Variants in GCNT1 observed in about 807,000 individuals in gnomAD.
The protein encoded by GCNT1 is glucosaminyl (N-acetyl) transferase 1.
In GCNT1, 16 loss-of-function variants were observed where a neutral mutation model predicts 26.2. That is an observed-to-expected ratio of 0.61 (90% CI 0.41 to 0.93). The LOEUF is 0.93. Ranked by LOEUF, GCNT1 falls within the 40% of genes least tolerant of loss-of-function variation. GCNT1 has a pLI of 0.00. For missense variants in GCNT1, 477 were observed against 526.7 expected, an observed-to-expected ratio of 0.91 and a Z score of 0.92; for synonymous variants, 183 against 190.8, an observed-to-expected ratio of 0.96 and a Z score of 0.34.
intron 2 of GCNT1, among the ~76,000 whole-genome samples, chr9:76,463,134 A>G (rs1015389627): frequency 1.3e-5 from 2 of 152,194 alleles, no homozygotes; most frequent in Non-Finnish European, 2.9e-5. Context: ...TAGGACTTAC[A>G]TGTGCTCAGG....
intron 2 of GCNT1, among the ~76,000 whole-genome samples, chr9:76,491,205 G>A (rs2131629956): frequency 6.7e-6 from 1 of 149,910 alleles, no homozygotes; most frequent in Middle Eastern, 3.4e-3. Context: ...CTCCCTCTTT[G>A]TCTCTGTCTC....
chr9:76,422,924 T>G (rs922547370), intron 1 of GCNT1, among the ~76,000 whole-genome samples: 1 of 152,240 alleles, frequency 6.6e-6, no homozygotes, highest in Non-Finnish European at 1.5e-5. Flanking sequence ...TATTATAAAA[T>G]AACCTTTGTG....
At chr9:76,469,487 GCT>G (rs1824080810) in intron 2 of GCNT1, among the ~76,000 whole-genome samples, 1 of 152,164 alleles carries the variant, frequency 6.6e-6, no homozygotes. Flanking sequence ...GCCAGCAACG[GCT>G]ACCCTCTTTG....
At chr9:76,498,923 G>C (rs2501944) in intron 2 of GCNT1, among the ~76,000 whole-genome samples, 2 of 151,960 alleles carry the variant, frequency 1.3e-5, no homozygotes, top group African/African-American at 2.4e-5. Context: ...AAATTTGTCT[G>C]TATATATATA....
chr9:76,452,574 TACATC>T (rs1823688886), intron 1 of GCNT1, among the ~76,000 whole-genome samples: 3 of 152,016 alleles, frequency 2.0e-5, no homozygotes, highest in Non-Finnish European at 2.9e-5. Flanking sequence ...GGGAAGCAGG[TACATC>T]TTACACGGCT....
At chr9:76,460,294 C>G (rs1214491040) in intron 2 of GCNT1, 117 bp downstream of exon 2, 1 of 152,212 alleles carries the variant, frequency 6.6e-6, no homozygotes, top group Non-Finnish European at 1.5e-5. Flanking sequence ...CATAATGGGG[C>G]AAGAGGCCAA....
At chr9:76,421,775 C>G (rs111943601) in intron 1 of GCNT1, among the ~76,000 whole-genome samples, 1 of 143,310 alleles carries the variant, frequency 7.0e-6, no homozygotes, top group African/African-American at 2.6e-5. Context: ...CTGTCTGCAG[C>G]CTCCACCTCC....
At chr9:76,482,964 T>C (rs1028774442) in intron 2 of GCNT1, among the ~76,000 whole-genome samples, 1 of 151,990 alleles carries the variant, frequency 6.6e-6, no homozygotes, top group Admixed American at 6.6e-5. Context: ...ATTAACAGTA[T>C]ATTATCTTTA....
At chr9:76,483,830 C>T (rs1187572229) in intron 2 of GCNT1, among the ~76,000 whole-genome samples, 2 of 151,894 alleles carry the variant, frequency 1.3e-5, no homozygotes, top group East Asian at 1.9e-4. Flanking sequence ...AACTTTTTGT[C>T]GTGTGTGTGT....
At chr9:76,478,984 T>A (rs785934) in intron 2 of GCNT1, among the ~76,000 whole-genome samples, 95,817 of 152,004 alleles carry the variant, frequency 0.63, 31,131 homozygotes, top group Non-Finnish European at 0.7. Flanking sequence ...ATTAGGTATA[T>A]CTCCTAATGC....
upstream of GCNT1, among the ~76,000 whole-genome samples, chr9:76,415,727 T>C (rs1196105862): frequency 1.3e-5 from 2 of 152,208 alleles, no homozygotes; most frequent in African/African-American, 4.8e-5. Flanking sequence ...CTTCCACATG[T>C]AGAATTCACA....
chr9:76,443,592 CTTCCAGCA>C (rs1823516967), intron 1 of GCNT1, among the ~76,000 whole-genome samples: 1 of 152,232 alleles, frequency 6.6e-6, no homozygotes, highest in Non-Finnish European at 1.5e-5. Context: ...AACCCACAAC[CTTCCAGCA>C]TGGCTATTAT....
chr9:76,438,365 A>G (rs1020652301), upstream of GCNT1, among the ~76,000 whole-genome samples: 1 of 152,184 alleles, frequency 6.6e-6, no homozygotes, highest in African/African-American at 2.4e-5. Context: ...AGGAGACACG[A>G]ATGTCTGGGT....
intron 2 of GCNT1, among the ~76,000 whole-genome samples, chr9:76,498,786 A>AAG (rs1554739084): frequency 7.2e-4 from 104 of 144,664 alleles, no homozygotes; most frequent in Middle Eastern, 7.1e-3. Flanking sequence ...AAAAAAAAAA[A>AAG]AAAAGAAAAA....
At chr9:76,488,803 G>A (rs1251461760) in intron 2 of GCNT1, among the ~76,000 whole-genome samples, 4 of 152,158 alleles carry the variant, frequency 2.6e-5, no homozygotes, top group African/African-American at 4.8e-5. Flanking sequence ...GCACCTGGCC[G>A]AGTTTTTCAT....
chr9:76,432,257 A>C (rs748713517), intron 1 of GCNT1, among the ~76,000 whole-genome samples: 8 of 152,250 alleles, frequency 5.3e-5, no homozygotes, highest in Non-Finnish European at 8.8e-5. Flanking sequence ...GTCCAAAAAA[A>C]ATGTAGGCAA....
In GCNT1 at chr9:76,504,070, G is replaced by T; in HGVS notation, c.*402G>T. 4.8e-6 allele frequency: 1 copy of T among 208,684 alleles called. No individual in the cohort carries two copies. Among genetic ancestry groups the T allele is most frequent in the Non-Finnish European group, 1.1e-5 (1 of 92,356 alleles). The allele number at this position is 208,684 out of a possible 1,614,324, so 12.9% of individuals were successfully genotyped here. A position where few individuals can be genotyped will look rare whatever the true frequency, so the allele number is the denominator to read the frequency against. ...GAATTTTAAATGTGACCATTTTTCT[G>T]GTATGAATAAACTTACAGCAACAAA... On this transcript the variant is annotated 3_prime_UTR_variant, in exon 4 of 4. Coordinates refer to ENST00000376730, the MANE Select transcript of GCNT1 (RefSeq NM_001490.5).
intron 1 of GCNT1, among the ~76,000 whole-genome samples, chr9:76,443,791 G>A (rs1823519263): frequency 6.6e-6 from 1 of 152,028 alleles, no homozygotes; most frequent in Non-Finnish European, 1.5e-5. Flanking sequence ...TGAAGCAGGA[G>A]AATCGCTTGA....
At chr9:76,479,728 T>TAA (rs1824368101) in intron 2 of GCNT1, among the ~76,000 whole-genome samples, 1 of 152,150 alleles carries the variant, frequency 6.6e-6, no homozygotes, top group South Asian at 2.1e-4. Flanking sequence ...GTTTGTAAAT[T>TAA]TGTTTGAGTT....
Sources: allele counts gnomAD v4.1 joint callset (sites outside exome capture counted in the v4.1 genomes callset), GRCh38; gene constraint gnomAD v4.1.1; transcripts MANE v1.5; gene names NCBI Gene and HGNC (gene_info 2026-07-23, HGNC 2026-07-21).